The following DIS3L variants were observed in gnomAD, a reference collection of about 807,000 sequenced individuals.
The protein encoded by DIS3L is DIS3-like exonuclease 1.
A neutral mutation model predicts 120.3 loss-of-function variants in DIS3L; 100 were observed. That is an observed-to-expected ratio of 0.83 (90% confidence interval 0.71 to 0.98). The LOEUF (loss-of-function observed/expected upper bound fraction) is 0.98. DIS3L is among the 50% of genes least tolerant of loss of function. The pLI is 0.00. For synonymous variants in DIS3L, 426 were observed against 470.6 expected (o/e 0.91, Z 1.23); for missense variants, 1,196 against 1,314.2 (o/e 0.91, Z 1.39).
intron 7 of DIS3L, 106 bp from the exon 8 acceptor site, chr15:66,318,343 T>A: frequency 7.8e-7 from 1 of 1,284,188 alleles, no homozygotes; most frequent in South Asian, 1.6e-5. Context: ...TGAAAAAAAA[T>A]AGGACACTGT....
At chr15:66,303,933 A>T (rs2092674483) in intron 2 of DIS3L, among the ~76,000 whole-genome samples, 1 of 150,986 alleles carries the variant, frequency 6.6e-6, no homozygotes, top group African/African-American at 2.4e-5. Flanking sequence ...TACTAAAAAT[A>T]CAAAAAATTA....
intron 5 of DIS3L, among the ~76,000 whole-genome samples, chr15:66,313,755 ATG>A (rs71447895): frequency 0.06 from 9,067 of 150,504 alleles, 362 homozygotes; most frequent in Middle Eastern, 0.11. Context: ...AAAAGTGTAT[ATG>A]TGTGTGTGTG....
chr15:66,295,792 T>C (rs1344137689), intron 2 of DIS3L, among the ~76,000 whole-genome samples: 1 of 152,224 alleles, frequency 6.6e-6, no homozygotes, highest in Non-Finnish European at 1.5e-5. Flanking sequence ...TGGGAAAGGT[T>C]TATGACTTGA....
At chr15:66,295,376 T>C (rs1293512353) in intron 2 of DIS3L, among the ~76,000 whole-genome samples, 1 of 152,208 alleles carries the variant, frequency 6.6e-6, no homozygotes, top group Non-Finnish European at 1.5e-5. Context: ...CCCCAGTATG[T>C]GGGTATTTAA....
intron 10 of DIS3L, 78 bp from the exon 11 acceptor site, chr15:66,323,415 C>T (rs373851671): frequency 1.2e-5 from 17 of 1,474,576 alleles, no homozygotes; most frequent in African/African-American, 6.9e-5. Flanking sequence ...TGGCCATTTA[C>T]CTCCCTGCGG....
intron 2 of DIS3L, among the ~76,000 whole-genome samples, chr15:66,301,815 G>A (rs567354189): frequency 2.0e-5 from 3 of 152,222 alleles, no homozygotes; most frequent in Admixed American, 6.5e-5. Context: ...AGAGTGATTC[G>A]CTGTTTGTTT....
intron 9 of DIS3L, among the ~76,000 whole-genome samples, chr15:66,322,376 T>C (rs2092893792): frequency 1.3e-5 from 2 of 152,196 alleles, no homozygotes; most frequent in South Asian, 4.1e-4. Flanking sequence ...GTTGTACTCT[T>C]GTTCCAAGCC....
chr15:66,323,614 T>C, intron 11 of DIS3L, 29 bp downstream of exon 11: 1 of 1,607,510 alleles, frequency 6.2e-7, no homozygotes, highest in Non-Finnish European at 8.5e-7. Flanking sequence ...TCTTCAAAGC[T>C]TGTCCTGGCC....
intron 3 of DIS3L, among the ~76,000 whole-genome samples, chr15:66,308,321 A>G (rs2092721584): frequency 6.6e-6 from 1 of 152,120 alleles, no homozygotes; most frequent in African/African-American, 2.4e-5. Context: ...AGCTACTTGC[A>G]CCTTAGTTTT....
chr15:66,313,135 A>C (rs2092779343), intron 5 of DIS3L, among the ~76,000 whole-genome samples: 1 of 152,076 alleles, frequency 6.6e-6, no homozygotes, highest in South Asian at 2.1e-4. Flanking sequence ...AGCTGGGATT[A>C]CAGGCACACG....
At chr15:66,313,887 G>GTGTA (rs1555402606) in intron 5 of DIS3L, 152 bp from the exon 6 acceptor site, 569 of 429,592 alleles carry the variant, frequency 1.3e-3, no homozygotes, top group African/African-American at 0.01. Flanking sequence ...ATATGTGTGT[G>GTGTA]TATATATATA....
chr15:66,308,103 T>G (rs2092719073), intron 3 of DIS3L, among the ~76,000 whole-genome samples: 1 of 152,116 alleles, frequency 6.6e-6, no homozygotes, highest in South Asian at 2.1e-4. Context: ...GCCTGGGAAT[T>G]GAGGTTGCAG....
chr15:66,304,138 G>C (rs2092679192), intron 2 of DIS3L, among the ~76,000 whole-genome samples: 1 of 148,340 alleles, frequency 6.7e-6, no homozygotes, highest in Non-Finnish European at 1.5e-5. Context: ...TCTTCTAAGA[G>C]GCTTTTAAAA....
intron 5 of DIS3L, among the ~76,000 whole-genome samples, chr15:66,312,893 T>C (rs2092776538): frequency 6.6e-6 from 1 of 152,258 alleles, no homozygotes; most frequent in Non-Finnish European, 1.5e-5. Context: ...GTGTGGGGAT[T>C]TTAAATGAGT....
intron 12 of DIS3L, 194 bp downstream of exon 12, chr15:66,326,558 G>T: frequency 3.1e-6 from 2 of 640,480 alleles, no homozygotes; most frequent in South Asian, 2.3e-5. Context: ...GTTTATTTAG[G>T]CATAATTTTG....
At position 66,309,094 on chromosome 15, in the gene DIS3L, A is replaced by AAAAAAAAAAAAAATAT; in HGVS notation, c.558+251_558+252insAAAAAAAAAAAATATA. On this transcript the variant is annotated intron_variant, in intron 4 of 16. Transcript: ENST00000319212. ...CTTGTCTCTACAGAAAAAAAAAAAA[A>AAAAAAAAAAAAAATAT]ATATATATATCTCCAAGCATGGTGG... 3.9e-4 allele frequency among the ~76,000 whole-genome samples: 6 copies of AAAAAAAAAAAAAATAT among 15,310 alleles called. 1 individual carries two copies. The highest frequency in any genetic ancestry group is 5.1e-3 in the East Asian group (1 of 196). 10.0% of individuals were successfully genotyped at this position (15,310 alleles called of 152,430 possible).
intron 2 of DIS3L, among the ~76,000 whole-genome samples, chr15:66,301,506 C>T (rs777903479): frequency 4.2e-4 from 64 of 152,028 alleles, no homozygotes; most frequent in Non-Finnish European, 7.2e-4. Context: ...GTCTCAAACT[C>T]CTGACCTCAA....
chr15:66,308,889 A>T (rs2092727677), intron 4 of DIS3L, 45 bp downstream of exon 4: 1 of 1,577,628 alleles, frequency 6.3e-7, no homozygotes, highest in Admixed American at 1.7e-5. Flanking sequence ...TTTTCTAAGT[A>T]GTACCCATAA....
chr15:66,308,699 G>C lies in DIS3L; in HGVS notation c.423-10G>C, dbSNP rs756220639. On this transcript the variant is annotated splice_polypyrimidine_tract_variant and intron_variant, in intron 3 of 16. Coordinates refer to ENST00000319212, the MANE Select transcript of DIS3L (RefSeq NM_001143688.3). The stretch of plus-strand genomic sequence containing the variant: ...CCTGGGGAGAGCTCATGTGCCCTTT[G>C]CTTTTCCAGGAGCATATACAACGCA... 1.2e-6 allele frequency: 2 copies of C among 1,605,424 alleles called. No individual in the cohort carries two copies. The highest frequency in any genetic ancestry group is 1.7e-5 in the Admixed American group (1 of 59,436).
Sources: gnomAD v4.1 joint callset for allele counts (sites outside exome capture counted in the v4.1 genomes callset) on GRCh38, gnomAD v4.1.1 for gene constraint, MANE v1.5 for transcripts, NCBI Gene and HGNC (gene_info 2026-07-23, HGNC 2026-07-21) for gene names.